Variants in NBAS observed in about 807,000 individuals in gnomAD.
The protein encoded by NBAS is NAG/BC035112 fusion.
NBAS carries 219 observed loss-of-function variants against 302.5 expected under a neutral mutation model. The observed-to-expected ratio is 0.72, with a 90% CI of 0.65 to 0.81. The LOEUF (loss-of-function observed/expected upper bound fraction) is 0.81. Ranked by LOEUF, NBAS falls within the 30% of genes least tolerant of loss-of-function variation. The pLI is 0.00. For missense variants in NBAS, 2,932 were observed against 2,841.6 expected, an observed-to-expected ratio of 1.03 and a Z score of -0.72; for synonymous variants, 1,118 against 1,021.6, an observed-to-expected ratio of 1.09 and a Z score of -1.80.
At chr2:14,806,907 G>C in the NBAS span, among the ~76,000 whole-genome samples, 10 of 152,026 alleles carry the variant, frequency 6.6e-5, 1 homozygote, top group African/African-American at 2.4e-4. Flanking sequence ...TTTTCTGTTA[G>C]TTGTCAGACC....
intron 44 of NBAS, among the ~76,000 whole-genome samples, chr2:15,270,597 T>G: frequency 6.6e-6 from 1 of 152,206 alleles, no homozygotes; most frequent in East Asian, 1.9e-4. Context: ...CAATCTATAA[T>G]TATTTAATCA....
the NBAS span, among the ~76,000 whole-genome samples, chr2:15,100,481 T>G: frequency 6.6e-6 from 1 of 152,216 alleles, no homozygotes; most frequent in Non-Finnish European, 1.5e-5. Context: ...AAGGGAAATT[T>G]AAAATAGTAG....
chr2:14,870,645 A>C, the NBAS span, among the ~76,000 whole-genome samples: 227 of 152,278 alleles, frequency 1.5e-3, no homozygotes, highest in African/African-American at 5.2e-3. Flanking sequence ...AGTGAAAAAA[A>C]AAAGGCAAAA....
chr2:15,488,064 A>G (rs1464777774), intron 12 of NBAS, among the ~76,000 whole-genome samples: 1 of 152,218 alleles, frequency 6.6e-6, no homozygotes, highest in Non-Finnish European at 1.5e-5. Context: ...AATCCTCTCA[A>G]TTATGACATT....
chr2:15,034,054 G>GGAGGAGGAA, the NBAS span, among the ~76,000 whole-genome samples: 5 of 100,338 alleles, frequency 5.0e-5, no homozygotes, highest in African/African-American at 2.2e-4. Flanking sequence ...AGGAGGAGGA[G>GGAGGAGGAA]GAGGAGGAGG....
At chr2:15,350,546 C>A (rs937257375) in intron 35 of NBAS, among the ~76,000 whole-genome samples, 3 of 152,092 alleles carry the variant, frequency 2.0e-5, no homozygotes, top group Admixed American at 6.6e-5. Context: ...CAAACACTGA[C>A]CAAAAGAAGA....
the NBAS span, among the ~76,000 whole-genome samples, chr2:15,083,465 T>G: frequency 6.6e-6 from 1 of 152,240 alleles, no homozygotes; most frequent in African/African-American, 2.4e-5. Context: ...CTATTCCACA[T>G]GGAATAGGTA....
At chr2:14,791,484 G>A in the NBAS span, among the ~76,000 whole-genome samples, 1 of 152,116 alleles carries the variant, frequency 6.6e-6, no homozygotes, top group Non-Finnish European at 1.5e-5. Flanking sequence ...CCAACCATAA[G>A]ATGTGGGCAA....
chr2:15,173,739 T>G (rs978101314), intron 51 of NBAS, among the ~76,000 whole-genome samples: 1 of 152,104 alleles, frequency 6.6e-6, no homozygotes, highest in Non-Finnish European at 1.5e-5. Flanking sequence ...TCTTTGAAAA[T>G]CCAAGCTTGA....
At chr2:15,479,918 A>G (rs933251030) in intron 12 of NBAS, among the ~76,000 whole-genome samples, 1 of 152,242 alleles carries the variant, frequency 6.6e-6, no homozygotes, top group Non-Finnish European at 1.5e-5. Context: ...AAGTAAATCA[A>G]TCAACCAAAT....
At chr2:14,974,066 T>G in the NBAS span, among the ~76,000 whole-genome samples, 2 of 152,224 alleles carry the variant, frequency 1.3e-5, no homozygotes, top group African/African-American at 4.8e-5. Flanking sequence ...CTCACTCTTT[T>G]TAATTCCCAT....
At chr2:15,181,721 G>A (rs1346317391) in intron 50 of NBAS, among the ~76,000 whole-genome samples, 4 of 152,222 alleles carry the variant, frequency 2.6e-5, no homozygotes, top group Non-Finnish European at 1.5e-5. Flanking sequence ...TGATTTATGA[G>A]ATGCACTGGG....
the NBAS span, among the ~76,000 whole-genome samples, chr2:14,927,044 G>A: frequency 1.3e-5 from 2 of 152,214 alleles, no homozygotes; most frequent in African/African-American, 4.8e-5. Context: ...GGCCTGAATA[G>A]ATCAAAAGAC....
Position 15,475,722 on chromosome 2 carries a change from T to G in NBAS, c.1306A>C (p.Thr436Pro), listed in dbSNP as rs150530409. ...CEWFEPSPQV[T>P]ATHDGGFLSL... ...AAAAATCCCCCATCATGGGTAGCAG[T>G]GACTTGAGGTGATGGTTCAAACCAT... The change falls in exon 14 of 52, where the codon ACT (threonine) becomes CCT (proline). Residue 436 changes from threonine (T) to proline (P), a missense_variant. Transcript: ENST00000281513. 2 of 1,614,112 alleles carry G rather than the reference T, an allele frequency of 1.2e-6. No homozygotes were observed. Among genetic ancestry groups the G allele is most frequent in the Admixed American group, 1.7e-5 (1 of 60,028 alleles).
chr2:15,025,466 G>A, the NBAS span, among the ~76,000 whole-genome samples: 1 of 152,138 alleles, frequency 6.6e-6, no homozygotes, highest in African/African-American at 2.4e-5. Context: ...TGTTCCATAT[G>A]AATTTTAAAA....
the NBAS span, among the ~76,000 whole-genome samples, chr2:14,873,702 CCCACACATA>C: frequency 1.5e-5 from 2 of 133,952 alleles, no homozygotes; most frequent in Admixed American, 1.4e-4. Flanking sequence ...AAAAAAAAAA[CCCACACATA>C]CCACACATAT....
chr2:15,000,243 C>G, the NBAS span, among the ~76,000 whole-genome samples: 12 of 152,306 alleles, frequency 7.9e-5, no homozygotes, highest in East Asian at 1.9e-3. Flanking sequence ...GATAACTGCC[C>G]TGTATCTGAA....
the NBAS span, among the ~76,000 whole-genome samples, chr2:14,945,129 G>A: frequency 1.3e-5 from 2 of 152,314 alleles, no homozygotes; most frequent in Non-Finnish European, 2.9e-5. Flanking sequence ...GGATCCCTGG[G>A]CAGGAACCCC....
intron 11 of NBAS, among the ~76,000 whole-genome samples, chr2:15,491,018 C>T (rs1157793474): frequency 1.3e-5 from 2 of 152,102 alleles, no homozygotes; most frequent in Non-Finnish European, 2.9e-5. Context: ...TTCACAATAG[C>T]AATATGACCG....
Sources: gnomAD v4.1 joint callset for allele counts (sites outside exome capture counted in the v4.1 genomes callset) on GRCh38, gnomAD v4.1.1 for gene constraint, MANE v1.5 for transcripts, NCBI Gene and HGNC (gene_info 2026-07-23, HGNC 2026-07-21) for gene names.